Variants in LOC400499 observed in about 807,000 individuals in gnomAD.
chr16:11,473,448 C>T, the LOC400499 span, among the ~76,000 whole-genome samples: 1 of 152,098 alleles, frequency 6.6e-6, no homozygotes, highest in Non-Finnish European at 1.5e-5. Flanking sequence ...CTGGCTTACA[C>T]TTGGCATTAT....
At chr16:11,406,510 G>A in the LOC400499 span, among the ~76,000 whole-genome samples, 1 of 152,182 alleles carries the variant, frequency 6.6e-6, no homozygotes, top group African/African-American at 2.4e-5. Context: ...TCGGCTCACT[G>A]CAACCTCCAC....
At chr16:11,455,511 G>T in the LOC400499 span, among the ~76,000 whole-genome samples, 1 of 152,018 alleles carries the variant, frequency 6.6e-6, no homozygotes. Context: ...AAAGAAGGTG[G>T]ATCACTTGAG....
the LOC400499 span, among the ~76,000 whole-genome samples, chr16:11,519,189 G>A: frequency 3.9e-5 from 6 of 152,160 alleles, no homozygotes; most frequent in African/African-American, 1.4e-4. Flanking sequence ...CCTGCTAAAC[G>A]TCTGGAAAGT....
the LOC400499 span, among the ~76,000 whole-genome samples, chr16:11,491,508 G>T: frequency 5.6e-4 from 85 of 152,314 alleles, 1 homozygote; most frequent in Non-Finnish European, 1.1e-3. Context: ...GACTGGAATT[G>T]CCATGTGGGG....
the LOC400499 span, among the ~76,000 whole-genome samples, chr16:11,520,777 C>T: frequency 2.0e-5 from 3 of 151,154 alleles, no homozygotes. Context: ...GTGATCGCTA[C>T]GTAGGTGTTT....
At chr16:11,390,439 G>C in the LOC400499 span, 7 of 1,250,064 alleles carry the variant, frequency 5.6e-6, 1 homozygote, top group Non-Finnish European at 5.0e-6. Context: ...CTCCAGGTAG[G>C]CATCCTTCAG....
At chr16:11,431,137 G>C in the LOC400499 span, 5 of 398,964 alleles carry the variant, frequency 1.3e-5, no homozygotes, top group African/African-American at 1.0e-4. Flanking sequence ...GCTCTGGAAA[G>C]TCAGGATCCG....
the LOC400499 span, among the ~76,000 whole-genome samples, chr16:11,414,831 AG>A: frequency 1.3e-5 from 2 of 152,198 alleles, no homozygotes; most frequent in Admixed American, 1.3e-4. Flanking sequence ...CTTGGCTGCC[AG>A]GCATCCTCCA....
At chr16:11,486,455 A>C in the LOC400499 span, among the ~76,000 whole-genome samples, 1 of 134,526 alleles carries the variant, frequency 7.4e-6, no homozygotes, top group Non-Finnish European at 1.6e-5. Context: ...TGAATGGTAC[A>C]TGGGTAGACA....
the LOC400499 span, among the ~76,000 whole-genome samples, chr16:11,374,411 A>G: frequency 6.6e-6 from 1 of 152,228 alleles, no homozygotes; most frequent in Admixed American, 6.5e-5. Flanking sequence ...GTACATGCAC[A>G]CTTTTGTGCA....
At chr16:11,492,262 C>A in the LOC400499 span, among the ~76,000 whole-genome samples, 1 of 147,124 alleles carries the variant, frequency 6.8e-6, no homozygotes, top group African/African-American at 2.5e-5. Context: ...AGCCAGCCAG[C>A]CAGCCACCCA....
chr16:11,410,369 G>C, the LOC400499 span, among the ~76,000 whole-genome samples: 1 of 152,116 alleles, frequency 6.6e-6, no homozygotes, highest in African/African-American at 2.4e-5. Context: ...CAGGAGAATC[G>C]CTTGAACCGG....
the LOC400499 span, among the ~76,000 whole-genome samples, chr16:11,384,698 G>T: frequency 1.2e-3 from 180 of 152,372 alleles, no homozygotes; most frequent in African/African-American, 4.0e-3. Flanking sequence ...CCTCTGTGCG[G>T]TCATCTGGAC....
chr16:11,431,866 G>T, the LOC400499 span, among the ~76,000 whole-genome samples: 2 of 152,176 alleles, frequency 1.3e-5, no homozygotes, highest in Non-Finnish European at 2.9e-5. Flanking sequence ...ATCAGGACTG[G>T]CCTTGTGACC....
chr16:11,448,195 C>A, the LOC400499 span: 1 of 1,247,904 alleles, frequency 8.0e-7, no homozygotes, highest in South Asian at 1.6e-5. Flanking sequence ...AATGACTATC[C>A]GAGAATGGCT....
At chr16:11,406,707 C>T in the LOC400499 span, among the ~76,000 whole-genome samples, 16 of 152,240 alleles carry the variant, frequency 1.1e-4, no homozygotes, top group Non-Finnish European at 2.2e-4. Context: ...GCTGGGATTA[C>T]AGGCGCGAGC....
At chr16:11,480,497 G>A in the LOC400499 span, among the ~76,000 whole-genome samples, 4 of 152,158 alleles carry the variant, frequency 2.6e-5, no homozygotes, top group African/African-American at 9.7e-5. Context: ...AGAGCAAAAT[G>A]TTGTCAATAA....
At chr16:11,441,308 G>A in the LOC400499 span, among the ~76,000 whole-genome samples, 1 of 152,238 alleles carries the variant, frequency 6.6e-6, no homozygotes, top group Non-Finnish European at 1.5e-5. Context: ...TGGAACAAAT[G>A]TGAATGTGTC....
the LOC400499 span, chr16:11,399,095 G>A: frequency 2.1e-6 from 1 of 486,686 alleles, no homozygotes; most frequent in Non-Finnish European, 2.7e-6. Context: ...GCAGAACAGT[G>A]CTCGGCCCCA....
Sources: gnomAD v4.1 joint callset for allele counts (sites outside exome capture counted in the v4.1 genomes callset) on GRCh38, gnomAD v4.1.1 for gene constraint, MANE v1.5 for transcripts.